ZNF341: variants seen among roughly 807,000 people sequenced by gnomAD.
ZNF341 encodes zinc finger protein 341.
A neutral mutation model predicts 87.7 loss-of-function variants in ZNF341; 52 were observed. That is an observed-to-expected ratio of 0.59 (90% CI 0.47 to 0.75). The LOEUF is 0.75. Ranked by LOEUF, ZNF341 falls within the 30% of genes least tolerant of loss-of-function variation. ZNF341 has a pLI of 0.00. For synonymous variants in ZNF341, 459 were observed against 472.7 expected, an observed-to-expected ratio of 0.97 and a Z score of 0.38; for missense variants, 977 against 1,145.9, an observed-to-expected ratio of 0.85 and a Z score of 2.13.
intron 8 of ZNF341, among the ~76,000 whole-genome samples, chr20:33,764,554 T>TATATATATATATATATATATATATATAG (rs2019361963): frequency 1.3e-5 from 1 of 78,264 alleles, no homozygotes; most frequent in African/African-American, 6.1e-5. Context: ...TATATATATA[T>TATATATATATATATATATATATATATAG]ATATATATTT....
chr20:33,775,655 C>T (rs1207399020), intron 10 of ZNF341, among the ~76,000 whole-genome samples: 1 of 151,916 alleles, frequency 6.6e-6, no homozygotes, highest in African/African-American at 2.4e-5. Context: ...CAATCATGTT[C>T]GAAAAGTGTT....
At chr20:33,741,282 A>G (rs1477940509) in intron 2 of ZNF341, among the ~76,000 whole-genome samples, 1 of 152,156 alleles carries the variant, frequency 6.6e-6, no homozygotes, top group Non-Finnish European at 1.5e-5. Context: ...AATGCCTGAC[A>G]ACAATGCCTG....
intron 11 of ZNF341, among the ~76,000 whole-genome samples, chr20:33,781,969 T>C (rs1487682308): frequency 6.6e-6 from 1 of 152,008 alleles, no homozygotes. Flanking sequence ...CATGAGCCAC[T>C]GCACCCAGCC....
At chr20:33,788,776 C>A in intron 12 of ZNF341, 87 bp from the exon 13 acceptor site, 1 of 1,025,778 alleles carries the variant, frequency 9.7e-7, no homozygotes, top group Non-Finnish European at 1.5e-6. Flanking sequence ...AGAGGAGCTG[C>A]TCCCCTGAGG....
chr20:33,761,826 C>T lies in ZNF341; in HGVS notation c.1029-36C>T. The T allele has an allele frequency of 1.4e-6, 2 of 1,422,066 alleles. 1 individual carries two copies. Among genetic ancestry groups the T allele is most frequent in the South Asian group, 3.2e-5 (2 of 62,328 alleles). 88.1% of individuals were successfully genotyped at this position (1,422,066 alleles called of 1,614,324 possible). The stretch of plus-strand genomic sequence containing the variant: ...CCTGGGCTGAGGCCTCGTCCCCGTT[C>T]CTGCAGGAGGGCACTGACAAGCTTG... On this transcript the variant is annotated intron_variant, in intron 7 of 14. Transcript: ENST00000375200.
At chr20:33,749,151 A>G in intron 4 of ZNF341, 79 bp downstream of exon 4, 1 of 1,527,628 alleles carries the variant, frequency 6.5e-7, no homozygotes, top group Non-Finnish European at 8.8e-7. Context: ...ATCTTGTAGA[A>G]TAAAGGGGGC....
At chr20:33,782,056 C>T (rs1046003529) in intron 11 of ZNF341, among the ~76,000 whole-genome samples, 2 of 152,118 alleles carry the variant, frequency 1.3e-5, no homozygotes, top group Non-Finnish European at 2.9e-5. Flanking sequence ...GATCCTCCCA[C>T]CTCAGACTCC....
chr20:33,783,587 G>A, intron 11 of ZNF341, 145 bp from the exon 12 acceptor site: 1 of 1,136,512 alleles, frequency 8.8e-7, no homozygotes, highest in Admixed American at 1.9e-5. Context: ...TAAGGGCTGA[G>A]TCTGACATTC....
intron 2 of ZNF341, among the ~76,000 whole-genome samples, chr20:33,742,389 G>A (rs1429556785): frequency 6.6e-6 from 1 of 152,088 alleles, no homozygotes; most frequent in Non-Finnish European, 1.5e-5. Context: ...TAGAGATGGG[G>A]TTTCACCACG....
intron 1 of ZNF341, among the ~76,000 whole-genome samples, chr20:33,735,688 TAAAG>T (rs572144059): frequency 4.7e-4 from 71 of 152,244 alleles, no homozygotes; most frequent in Middle Eastern, 3.4e-3. Context: ...TGGGAAATGA[TAAAG>T]AGAGATCCCA....
At chr20:33,767,183 C>G (rs771720110) in intron 9 of ZNF341, 142 bp downstream of exon 9, 4 of 1,051,150 alleles carry the variant, frequency 3.8e-6, no homozygotes, top group Non-Finnish European at 5.4e-6. Context: ...GGTTAGATTC[C>G]GAGCAGGGGA....
intron 5 of ZNF341, among the ~76,000 whole-genome samples, chr20:33,756,827 A>G (rs1350546171): frequency 6.6e-6 from 1 of 152,232 alleles, no homozygotes; most frequent in Admixed American, 6.5e-5. Context: ...TGAGAGGGGT[A>G]CTATGATGAG....
intron 8 of ZNF341, 136 bp from the exon 9 acceptor site, chr20:33,766,715 G>A (rs1470236442): frequency 2.3e-6 from 2 of 875,108 alleles, no homozygotes; most frequent in Non-Finnish European, 3.5e-6. Context: ...TGTGAGTGCA[G>A]CACCTTAAGC....
rs372072074 is a variant in ZNF341, at chr20:33,791,335, G to A, written c.2383G>A (p.Ala795Thr). 32 of 1,611,910 alleles carry A rather than the reference G, an allele frequency of 2.0e-5. No homozygotes were observed. Among genetic ancestry groups the A allele is most frequent in the South Asian group, 6.6e-5 (6 of 90,976 alleles). ...PEAVPGKPPFAEPDAVLSIVV... is the reference protein window; with the variant it reads ...PEAVPGKPPFTEPDAVLSIVV... ...GGCTGTCCCCGGCAAGCCGCCCTTC[G>A]CAGAGCCGGACGCGGTGCTGTCCAT... The change falls in exon 15 of 15, where the codon GCA becomes ACA. Residue 795 changes from alanine (A) to threonine (T), a missense_variant. Ala to Thr is a moderately conservative substitution (Grantham distance 58). Coordinates refer to ENST00000375200, the MANE Select transcript of ZNF341 (RefSeq NM_001282933.2).
In ZNF341 at chr20:33,736,975, G is replaced by T. The variant is rs1034536465; in HGVS notation, c.32-3927G>T. ...TGTTTCCTCAAAATGGAAACACTTA[G>T]GGGGTGGCCAGGAGAAGAGAGTAAA... On this transcript the variant is annotated intron_variant, in intron 1 of 14. Coordinates refer to ENST00000375200, the MANE Select transcript of ZNF341 (RefSeq NM_001282933.2). Among the ~76,000 whole-genome samples, 31 of 152,292 alleles carry T rather than the reference G, an allele frequency of 2.0e-4. No individual in the cohort carries two copies. In the East Asian group the frequency reaches 6.0e-3, roughly 29 times the overall value.
chr20:33,733,395 A>ATT lies in ZNF341; in HGVS notation c.31+1357_31+1358dup, dbSNP rs535729486. ...AGGCATCCGCCACCACGCCCGGCTAATTTTTTTTTTTTTTTGTATTTTAAG... is the reference window on the plus strand; with the variant it reads ...AGGCATCCGCCACCACGCCCGGCTAATTTTTTTTTTTTTTTTTGTATTTTAAG... On this transcript the variant is annotated intron_variant, in intron 1 of 14. Coordinates refer to ENST00000375200, the MANE Select transcript of ZNF341 (RefSeq NM_001282933.2). Among the ~76,000 whole-genome samples the ATT allele has an allele frequency of 2.8e-3, 400 of 140,900 alleles. 3 individuals are homozygous for ATT. Among genetic ancestry groups the ATT allele is most frequent in the African/African-American group, 9.4e-3 (360 of 38,382 alleles). The allele number at this position is 140,900 out of a possible 152,430, so 92.4% of individuals were successfully genotyped here.
At chr20:33,750,427 A>T (rs1263813480) in intron 4 of ZNF341, among the ~76,000 whole-genome samples, 1 of 152,050 alleles carries the variant, frequency 6.6e-6, no homozygotes, top group African/African-American at 2.4e-5. Context: ...CACAGTGAAG[A>T]AGAGGACCCC....
At position 33,782,503 on chromosome 20, in the gene ZNF341, C is replaced by T. The variant is rs116972407; in HGVS notation, c.1719+1116C>T. On this transcript the variant is annotated intron_variant, in intron 11 of 14. Coordinates refer to ENST00000375200, the MANE Select transcript of ZNF341 (RefSeq NM_001282933.2). ...AGGACAGCCCTGGTTTCATTTTGGCCTCATTCTGGATGTTTCTTATTATCT... is the reference window on the plus strand; with the variant it reads ...AGGACAGCCCTGGTTTCATTTTGGCTTCATTCTGGATGTTTCTTATTATCT... Among the ~76,000 whole-genome samples the T allele has an allele frequency of 4.1e-3, 619 of 152,316 alleles. 2 individuals are homozygous for T. The highest frequency in any genetic ancestry group is 6.9e-3 in the Non-Finnish European group (471 of 68,036).
In ZNF341 at chr20:33,745,176, G is replaced by A; in HGVS notation, c.216G>A (p.Lys72=). The A allele has an allele frequency of 3.7e-6, 6 of 1,614,184 alleles. No homozygotes were observed. The highest frequency in any genetic ancestry group is 5.1e-6 in the Non-Finnish European group (6 of 1,180,038). ...FNSLPAFMTH[K]REQCQGNAPA... ...CGCTGCCAGCGTTTATGACCCACAA[G>A]CGGGAACAGTGCCAGGGGAATGCCC... The change falls in exon 3 of 15, where the codon AAG becomes AAA. Residue 72 remains lysine (K), a synonymous_variant. Transcript: ENST00000375200.
Sources: gnomAD v4.1 joint callset for allele counts (sites outside exome capture counted in the v4.1 genomes callset) on GRCh38, gnomAD v4.1.1 for gene constraint, MANE v1.5 for transcripts, NCBI Gene and HGNC (gene_info 2026-07-23, HGNC 2026-07-21) for gene names.